The following PPP1R37 variants were observed in gnomAD, a reference collection of about 807,000 sequenced individuals.
The protein encoded by PPP1R37 is leucine rich repeat containing 68.
PPP1R37 carries 21 observed loss-of-function variants against 61.0 expected under a neutral mutation model. The ratio of observed to expected loss-of-function variants is 0.34; its 90% CI spans 0.24 to 0.50. The LOEUF (loss-of-function observed/expected upper bound fraction) is 0.50. PPP1R37 is among the 20% of genes least tolerant of loss of function. The pLI is 0.98. For missense variants in PPP1R37, 910 were observed against 952.7 expected, an observed-to-expected ratio of 0.96 and a Z score of 0.59; for synonymous variants, 443 against 433.5, an observed-to-expected ratio of 1.02 and a Z score of -0.27.
intron 1 of PPP1R37, among the ~76,000 whole-genome samples, chr19:45,101,891 ACTT>A (rs1307898585): frequency 6.6e-6 from 1 of 152,152 alleles, no homozygotes; most frequent in Non-Finnish European, 1.5e-5. Context: ...GACTTCATTG[ACTT>A]CTTCATCAGA....
chr19:45,107,004 G>A (rs1968140815), intron 1 of PPP1R37, among the ~76,000 whole-genome samples: 1 of 151,420 alleles, frequency 6.6e-6, no homozygotes, highest in Admixed American at 6.6e-5. Context: ...TTTTAGTAGA[G>A]ACGGGATTTC....
intron 8 of PPP1R37, 165 bp downstream of exon 8, chr19:45,143,798 C>T: frequency 1.9e-6 from 1 of 527,136 alleles, no homozygotes; most frequent in Non-Finnish European, 3.4e-6. Context: ...AGCTTCTGTG[C>T]CTGTTTTCCC....
At chr19:45,118,823 G>T (rs1308598891) in intron 1 of PPP1R37, among the ~76,000 whole-genome samples, 19 of 152,188 alleles carry the variant, frequency 1.2e-4, no homozygotes, top group Non-Finnish European at 1.5e-4. Flanking sequence ...GAGCCACCCA[G>T]GTGGCTGCCT....
rs1433549640 is a variant in PPP1R37, at chr19:45,146,066, G to T, written c.1993+17G>T. The stretch of plus-strand genomic sequence containing the variant: ...TGGAGCACGGTGAGAGGGGCCCTAG[G>T]GCAGGTGTTGAGGGGCCCTGGGTGC... On this transcript the variant is annotated intron_variant, in intron 11 of 12. Coordinates refer to ENST00000221462, the MANE Select transcript of PPP1R37 (RefSeq NM_019121.2). The T allele has an allele frequency of 6.6e-6, 10 of 1,513,168 alleles. No homozygotes were observed. Among genetic ancestry groups the T allele is most frequent in the Non-Finnish European group, 8.8e-6 (10 of 1,134,054 alleles). 93.7% of individuals were successfully genotyped at this position (1,513,168 alleles called of 1,614,324 possible). A position where few individuals can be genotyped will look rare whatever the true frequency, so the allele number is the denominator to read the frequency against.
intron 1 of PPP1R37, among the ~76,000 whole-genome samples, chr19:45,127,974 C>CAA (rs35001139): frequency 1.4e-3 from 86 of 61,818 alleles, no homozygotes; most frequent in African/African-American, 2.9e-3. Context: ...GACTCCATCT[C>CAA]AAAAAAAAAA....
rs532216702 is a variant in PPP1R37, at chr19:45,099,815, CTT to C, written c.202+6294_202+6295del. 5.9e-5 allele frequency among the ~76,000 whole-genome samples: 9 copies of C among 152,326 alleles called. No homozygotes were observed. The South Asian group carries it at 1.9e-3, about 32-fold the overall frequency. On this transcript the variant is annotated intron_variant, in intron 1 of 12. Transcript: ENST00000221462. ...ACCCCATGGTGGGATTTACAGGAAA[CTT>C]TTTTTGTGGTAGTTAATCCAGTTGG...
rs972635063 is a variant in PPP1R37, at chr19:45,145,367, C to G, written c.1311C>G (p.Ile437Met). Reference sequence around the variant, plus strand: ...TCCCGCCACAGGTGAAGAGCTTCATCGAGACGCAGAAGGCGCTGCTGGCCG... The same window carrying G: ...TCCCGCCACAGGTGAAGAGCTTCATGGAGACGCAGAAGGCGCTGCTGGCCG... ...EPKKEAVKSF[I>M]ETQKALLAEI... is the part of the protein sequence containing the mutation. Residue 437 changes from isoleucine to methionine, a missense_variant, in exon 11 of 13, where the codon ATC becomes ATG. Physicochemically the swap from Ile to Met is conservative, Grantham distance 10. This residue lies in a region of PPP1R37 where 549 missense variants were observed against 505.1 expected (regional missense o/e 1.09). Transcript: ENST00000221462. 1.5e-5 allele frequency: 23 copies of G among 1,534,732 alleles called. 1 individual carries two copies. The highest frequency in any genetic ancestry group is 1.7e-4 in the Middle Eastern group (1 of 5,998).
At position 45,110,777 on chromosome 19, in the gene PPP1R37, T is replaced by TG. The variant is rs554251178; in HGVS notation, c.202+17252dup. 1.3e-3 allele frequency among the ~76,000 whole-genome samples: 199 copies of TG among 152,372 alleles called. 2 individuals carry two copies. Among genetic ancestry groups the TG allele is most frequent in the African/African-American group, 4.6e-3 (193 of 41,586 alleles). ...TGGGCAGTAAGAAATTCCAAGCACC[T>TG]GGTTTCCATCACTGGAGCCTTTGCT... is the stretch of plus-strand genomic sequence containing the variant. On this transcript the variant is annotated intron_variant, in intron 1 of 12. Transcript: ENST00000221462.
At chr19:45,097,719 ATGT>A (rs542773090) in intron 1 of PPP1R37, among the ~76,000 whole-genome samples, 3 of 150,520 alleles carry the variant, frequency 2.0e-5, no homozygotes, top group Non-Finnish European at 4.4e-5. Context: ...TGGCCATCTG[ATGT>A]TCTTCTGTTG....
chr19:45,116,243 A>G (rs1275557404), intron 1 of PPP1R37, among the ~76,000 whole-genome samples: 2 of 152,216 alleles, frequency 1.3e-5, no homozygotes, highest in Admixed American at 6.5e-5. Flanking sequence ...TGCGGCAGGC[A>G]GTTGGGAAGG....
chr19:45,115,998 T>TC (rs1165818016), intron 1 of PPP1R37, among the ~76,000 whole-genome samples: 1 of 150,304 alleles, frequency 6.7e-6, no homozygotes, highest in Admixed American at 6.6e-5. Context: ...AAGTTGTGTG[T>TC]CACATGGGGG....
At position 45,128,611 on chromosome 19, in the gene PPP1R37, C is replaced by T. The variant is rs548985745; in HGVS notation, c.203-9903C>T. ...TTCGAGACAAGAGATGCAGGGGCCT[C>T]GGCCTCCTTCCCAATGCAGTGCTCA... is the stretch of plus-strand genomic sequence containing the variant. On this transcript the variant is annotated intron_variant, in intron 1 of 12. Coordinates refer to ENST00000221462, the MANE Select transcript of PPP1R37 (RefSeq NM_019121.2). 2.0e-5 allele frequency: 25 copies of T among 1,265,048 alleles called. No individual in the cohort carries two copies. The South Asian group carries it at 2.3e-4, about 11-fold the overall frequency. The allele number at this position is 1,265,048 out of a possible 1,614,324, so 78.4% of individuals were successfully genotyped here.
At chr19:45,123,423 C>A (rs1968364559) in intron 1 of PPP1R37, among the ~76,000 whole-genome samples, 1 of 152,216 alleles carries the variant, frequency 6.6e-6, no homozygotes, top group Admixed American at 6.5e-5. Flanking sequence ...CAGAGAAAGA[C>A]AGTCTCTCTG....
intron 1 of PPP1R37, chr19:45,128,470 A>AGTG: frequency 1.5e-6 from 1 of 656,584 alleles, no homozygotes; most frequent in Admixed American, 2.6e-5. Flanking sequence ...TGGTAGAGGC[A>AGTG]GCGGCAGCAG....
intron 1 of PPP1R37, among the ~76,000 whole-genome samples, chr19:45,110,426 C>T (rs79769273): frequency 2.0e-5 from 3 of 152,084 alleles, no homozygotes; most frequent in African/African-American, 7.2e-5. Context: ...ACATTTCTTA[C>T]TTTTACTCAT....
Position 45,095,850 on chromosome 19 carries a change from C to T in PPP1R37, c.202+2323C>T, listed in dbSNP as rs114654979. 6.7e-3 allele frequency among the ~76,000 whole-genome samples: 1,014 copies of T among 152,018 alleles called. 11 individuals carry two copies. The highest frequency in any genetic ancestry group is 0.022 in the African/African-American group (929 of 41,436). ...AGGGATAGGTGGTTAGTTTGGGACC[C>T]GGGCACAGTCAGAATGCCCCCTGGC... On this transcript the variant is annotated intron_variant, in intron 1 of 12. Coordinates refer to ENST00000221462, the MANE Select transcript of PPP1R37 (RefSeq NM_019121.2).
intron 1 of PPP1R37, among the ~76,000 whole-genome samples, chr19:45,135,661 A>T (rs1302659449): frequency 6.6e-6 from 1 of 152,140 alleles, no homozygotes; most frequent in Non-Finnish European, 1.5e-5. Context: ...CCTGCTTCAC[A>T]GAGTCGATGC....
chr19:45,140,170 A>G, intron 2 of PPP1R37, 66 bp from the exon 3 acceptor site: 2 of 1,397,414 alleles, frequency 1.4e-6, no homozygotes, highest in Non-Finnish European at 2.0e-6. Flanking sequence ...CATAGCAGCC[A>G]TTTGGGGCCT....
chr19:45,132,728 C>A (rs951290632), intron 1 of PPP1R37, among the ~76,000 whole-genome samples: 2 of 151,964 alleles, frequency 1.3e-5, no homozygotes, highest in African/African-American at 2.4e-5. Context: ...ACCACCATGC[C>A]CAACTGATTT....
Sources: allele counts gnomAD v4.1 joint callset (sites outside exome capture counted in the v4.1 genomes callset), GRCh38; gene constraint gnomAD v4.1.1; regional missense constraint gnomAD v4.1.1; transcripts MANE v1.5; gene names NCBI Gene and HGNC (gene_info 2026-07-23, HGNC 2026-07-21).